The following PCSK5 variants were observed in gnomAD, a reference collection of about 807,000 sequenced individuals.
PCSK5 encodes proprotein convertase subtilisin/kexin type 5.
PCSK5 carries 129 observed loss-of-function variants against 233.2 expected under a neutral mutation model. The observed-to-expected ratio is 0.55, with a 90% CI of 0.48 to 0.64. The LOEUF (loss-of-function observed/expected upper bound fraction) is 0.64. Among genes scored for constraint, PCSK5 ranks in the 30% least tolerant of loss-of-function variants. The pLI is 0.00. For synonymous variants in PCSK5, 825 were observed against 879.2 expected, an observed-to-expected ratio of 0.94 and a Z score of 1.09; for missense variants, 2,076 against 2,430.1, an observed-to-expected ratio of 0.85 and a Z score of 3.06.
chr9:76,353,575 G>A (rs1405369279), intron 36 of PCSK5, among the ~76,000 whole-genome samples: 18 of 152,236 alleles, frequency 1.2e-4, no homozygotes, highest in South Asian at 2.1e-4. Context: ...TCATCGCCAC[G>A]TGGGAGTGAT....
chr9:76,170,445 C>T (rs1307896644), intron 13 of PCSK5, among the ~76,000 whole-genome samples: 3 of 152,188 alleles, frequency 2.0e-5, no homozygotes, highest in Admixed American at 6.5e-5. Context: ...AGCCTATTCC[C>T]GTCTTCATGC....
At chr9:76,330,528 T>C (rs1829497837) in intron 33 of PCSK5, among the ~76,000 whole-genome samples, 1 of 152,100 alleles carries the variant, frequency 6.6e-6, no homozygotes, top group Admixed American at 6.5e-5. Flanking sequence ...GCAGGAGGAT[T>C]GCTTGAGCCC....
At chr9:76,127,172 A>G (rs1457137004) in intron 9 of PCSK5, among the ~76,000 whole-genome samples, 3 of 152,228 alleles carry the variant, frequency 2.0e-5, no homozygotes, top group Non-Finnish European at 2.9e-5. Context: ...GATGCAGTCA[A>G]TGATTTCTGT....
intron 5 of PCSK5, among the ~76,000 whole-genome samples, chr9:76,055,886 A>G (rs1053807935): frequency 1.3e-5 from 2 of 152,196 alleles, no homozygotes; most frequent in African/African-American, 4.8e-5. Context: ...AGCATTACAG[A>G]GTGTGATATA....
chr9:75,978,869 C>CTTTTTTTTTTT (rs5898441), intron 2 of PCSK5, among the ~76,000 whole-genome samples: 3 of 128,036 alleles, frequency 2.3e-5, no homozygotes, highest in East Asian at 2.2e-4. Flanking sequence ...GAATGTTTCC[C>CTTTTTTTTTTT]TTTTTTTTTT....
intron 2 of PCSK5, among the ~76,000 whole-genome samples, chr9:75,964,901 G>A (rs908462904): frequency 6.6e-6 from 1 of 152,160 alleles, no homozygotes; most frequent in African/African-American, 2.4e-5. Context: ...GGGGGTGGGG[G>A]AGCATTAATC....
intron 3 of PCSK5, among the ~76,000 whole-genome samples, chr9:76,005,286 T>A (rs957641963): frequency 1.3e-5 from 2 of 152,204 alleles, no homozygotes; most frequent in Non-Finnish European, 2.9e-5. Context: ...TTCTCTATGA[T>A]TATGTCATTA....
chr9:76,052,281 C>A (rs1829657864), intron 5 of PCSK5, among the ~76,000 whole-genome samples: 1 of 152,018 alleles, frequency 6.6e-6, no homozygotes, highest in African/African-American at 2.4e-5. Context: ...ATACATAAAC[C>A]CTGTGCATTA....
chr9:76,286,753 G>A (rs547130197), intron 24 of PCSK5: 142 of 160,366 alleles, frequency 8.9e-4, no homozygotes, highest in African/African-American at 3.2e-3. Context: ...TGCATCTGCT[G>A]CTGCAGAAGG....
rs376731538 is a variant in PCSK5, at chr9:75,928,866, C to T, written c.193-3513C>T. ...ATGTGATAATTCTTTGATACTCATA[C>T]TAGAGATTTTGAGCTGTATGTAGCT... On this transcript the variant is annotated intron_variant, in intron 1 of 37. Transcript: ENST00000674117. 9.9e-5 allele frequency among the ~76,000 whole-genome samples: 15 copies of T among 151,816 alleles called. No individual in the cohort carries two copies. In the East Asian group the frequency reaches 2.3e-3, roughly 23 times the overall value.
At chr9:75,912,440 A>C (rs1353955703) in intron 1 of PCSK5, among the ~76,000 whole-genome samples, 1 of 152,192 alleles carries the variant, frequency 6.6e-6, no homozygotes, top group Non-Finnish European at 1.5e-5. Flanking sequence ...GGTGCTTTTC[A>C]CACTTTCATG....
chr9:76,230,201 A>C (rs1360704063), intron 21 of PCSK5, among the ~76,000 whole-genome samples: 1 of 152,202 alleles, frequency 6.6e-6, no homozygotes, highest in Non-Finnish European at 1.5e-5. Context: ...GTGGTGACAT[A>C]ACTCAGTGCC....
chr9:76,151,605 C>T (rs996083502), intron 10 of PCSK5, among the ~76,000 whole-genome samples: 4 of 152,192 alleles, frequency 2.6e-5, no homozygotes, highest in Admixed American at 6.5e-5. Context: ...TACCTTCGTC[C>T]TCCACCTAAC....
intron 2 of PCSK5, among the ~76,000 whole-genome samples, chr9:75,951,959 CCAA>C (rs955437886): frequency 6.6e-6 from 1 of 152,096 alleles, no homozygotes; most frequent in Non-Finnish European, 1.5e-5. Flanking sequence ...GATGTCCCCA[CCAA>C]CATTTCATTA....
At chr9:76,044,799 A>T (rs766238712) in intron 5 of PCSK5, among the ~76,000 whole-genome samples, 1 of 152,224 alleles carries the variant, frequency 6.6e-6, no homozygotes, top group Non-Finnish European at 1.5e-5. Flanking sequence ...TCAAAGTAAT[A>T]CTTGAATTTT....
chr9:76,332,588 T>C lies in PCSK5; in HGVS notation c.4726T>C (p.Cys1576Arg). ...GGGCTGGTTCCAGCTAGGAAAAGAG[T>C]GCCTGCTCCAGTGCAGGGAAGGGTA... ...RPGWFQLGKE[C>R]LLQCREGYYA... is the part of the protein sequence containing the mutation. The change falls in exon 34 of 38, where the codon TGC (cysteine) becomes CGC (arginine). Residue 1576 changes from cysteine to arginine, a missense_variant. By Grantham distance (180) the Cys-to-Arg change is radical. Around this residue, in one of 6 missense-constraint regions of PCSK5, gnomAD observed 1,510 missense variants for 1,538.1 expected, o/e 0.98. Coordinates refer to ENST00000674117, the MANE Select transcript of PCSK5 (RefSeq NM_001372043.1). 1.3e-6 allele frequency: 2 copies of C among 1,599,438 alleles called. No homozygotes were observed. Among genetic ancestry groups the C allele is most frequent in the Non-Finnish European group, 1.7e-6 (2 of 1,172,800 alleles).
rs149809507 is a variant in PCSK5, at chr9:76,233,728, C to T, written c.2866+132C>T. On this transcript the variant is annotated intron_variant, in intron 22 of 37. Coordinates refer to ENST00000674117, the MANE Select transcript of PCSK5 (RefSeq NM_001372043.1). Reference sequence around the variant, plus strand: ...GATCAGACAGCTGTTCACTGGAGAGCGTGTACAACCTTGAACTTTCTGCTT... The same window carrying T: ...GATCAGACAGCTGTTCACTGGAGAGTGTGTACAACCTTGAACTTTCTGCTT... 7.0e-4 allele frequency: 549 copies of T among 786,440 alleles called. 3 individuals carry two copies. The highest frequency in any genetic ancestry group is 1.9e-4 in the Non-Finnish European group (94 of 488,244). 48.7% of individuals were successfully genotyped at this position (786,440 alleles called of 1,614,324 possible).
At chr9:76,324,668 A>G (rs1245691889) in intron 32 of PCSK5, among the ~76,000 whole-genome samples, 1 of 152,072 alleles carries the variant, frequency 6.6e-6, no homozygotes, top group Non-Finnish European at 1.5e-5. Context: ...ATACCTCCTT[A>G]TGTTTTAACT....
At chr9:76,349,831 C>A (rs1204436340) in intron 35 of PCSK5, among the ~76,000 whole-genome samples, 2 of 152,184 alleles carry the variant, frequency 1.3e-5, no homozygotes, top group Non-Finnish European at 2.9e-5. Flanking sequence ...GAAGTTATTC[C>A]TTGATACCTG....
Sources: allele counts gnomAD v4.1 joint callset (sites outside exome capture counted in the v4.1 genomes callset), GRCh38; gene constraint gnomAD v4.1.1; regional missense constraint gnomAD v4.1.1; transcripts MANE v1.5; gene names NCBI Gene and HGNC (gene_info 2026-07-23, HGNC 2026-07-21).